ZNF804B: variants seen among roughly 807,000 people sequenced by gnomAD.
The protein encoded by ZNF804B is zinc finger protein 804B.
In ZNF804B, 80 loss-of-function variants were observed where a neutral mutation model predicts 101.4. The ratio of observed to expected loss-of-function variants is 0.79; its 90% CI spans 0.66 to 0.95. The LOEUF is 0.95. Ranked by LOEUF, ZNF804B falls within the 40% of genes least tolerant of loss-of-function variation. The pLI is 0.00. For synonymous variants in ZNF804B, 622 were observed against 558.8 expected, an observed-to-expected ratio of 1.11 and a Z score of -1.59; for missense variants, 1,673 against 1,561.9, an observed-to-expected ratio of 1.07 and a Z score of -1.20.
At chr7:88,878,328 G>A (rs1466116542) in intron 1 of ZNF804B, among the ~76,000 whole-genome samples, 1 of 151,986 alleles carries the variant, frequency 6.6e-6, no homozygotes, top group African/African-American at 2.4e-5. Flanking sequence ...TTTCCCTTTA[G>A]AATTTATTAT....
At chr7:89,234,241 T>TTA (rs1789244499) in intron 2 of ZNF804B, among the ~76,000 whole-genome samples, 1 of 152,146 alleles carries the variant, frequency 6.6e-6, no homozygotes, top group South Asian at 2.1e-4. Context: ...TTCTTTTGAA[T>TTA]TATACTTCTG....
chr7:89,180,286 T>C (rs889989103), intron 1 of ZNF804B, among the ~76,000 whole-genome samples: 1 of 152,184 alleles, frequency 6.6e-6, no homozygotes, highest in Non-Finnish European at 1.5e-5. Context: ...TGCTGTCTGA[T>C]AGCTAGGGCC....
chr7:88,881,196 TAGAA>T (rs1237709751), intron 1 of ZNF804B, among the ~76,000 whole-genome samples: 1 of 152,136 alleles, frequency 6.6e-6, no homozygotes, highest in Admixed American at 6.6e-5. Flanking sequence ...GGATTGCATT[TAGAA>T]AGAATATTTA....
intron 1 of ZNF804B, among the ~76,000 whole-genome samples, chr7:88,963,880 T>C (rs1450534493): frequency 6.6e-6 from 1 of 151,406 alleles, no homozygotes; most frequent in African/African-American, 2.4e-5. Flanking sequence ...GAATACACTT[T>C]TCTCTAAAAA....
chr7:89,220,300 CTGTT>C (rs1365467605), intron 2 of ZNF804B, among the ~76,000 whole-genome samples: 2 of 151,172 alleles, frequency 1.3e-5, no homozygotes, highest in African/African-American at 4.9e-5. Flanking sequence ...ATGAGATAAA[CTGTT>C]TTAGGATTGT....
chr7:88,929,507 T>A (rs1186847870), intron 1 of ZNF804B, among the ~76,000 whole-genome samples: 1 of 151,968 alleles, frequency 6.6e-6, no homozygotes, highest in African/African-American at 2.4e-5. Context: ...CATGGATTAT[T>A]AAACCTTTTA....
chr7:89,278,027 G>T (rs368878435), intron 2 of ZNF804B, among the ~76,000 whole-genome samples: 19 of 152,128 alleles, frequency 1.2e-4, no homozygotes, highest in South Asian at 8.3e-4. Context: ...TCCTGACTTT[G>T]TAATGATTGC....
chr7:88,843,949 T>G (rs1338257123), intron 1 of ZNF804B, among the ~76,000 whole-genome samples: 1 of 152,020 alleles, frequency 6.6e-6, no homozygotes, highest in Non-Finnish European at 1.5e-5. Flanking sequence ...TTATAAAGAT[T>G]AAAAAATTGT....
At chr7:88,886,214 A>G (rs926256331) in intron 1 of ZNF804B, among the ~76,000 whole-genome samples, 1 of 152,114 alleles carries the variant, frequency 6.6e-6, no homozygotes, top group African/African-American at 2.4e-5. Context: ...TGGTGATGGT[A>G]GATGGATTAG....
At chr7:88,780,309 G>A (rs1226406562) in intron 1 of ZNF804B, among the ~76,000 whole-genome samples, 1 of 151,128 alleles carries the variant, frequency 6.6e-6, no homozygotes, top group African/African-American at 2.4e-5. Flanking sequence ...CATATCTTCA[G>A]CAGTTAATTT....
At chr7:88,987,464 C>A (rs1044391731) in intron 1 of ZNF804B, among the ~76,000 whole-genome samples, 1 of 152,042 alleles carries the variant, frequency 6.6e-6, no homozygotes, top group Non-Finnish European at 1.5e-5. Context: ...TCTCTCTTTT[C>A]ATATTTACAT....
chr7:88,851,394 C>A (rs1441465560), intron 1 of ZNF804B, among the ~76,000 whole-genome samples: 1 of 152,006 alleles, frequency 6.6e-6, no homozygotes, highest in Admixed American at 6.6e-5. Flanking sequence ...AAAAAAGACA[C>A]ATTTTGGGAG....
chr7:89,242,965 G>A (rs1172771284), intron 2 of ZNF804B, among the ~76,000 whole-genome samples: 1 of 151,738 alleles, frequency 6.6e-6, no homozygotes, highest in African/African-American at 2.4e-5. Context: ...GGAAGAGTTG[G>A]CTATCACAAT....
At chr7:88,982,092 T>C (rs1793701087) in intron 1 of ZNF804B, among the ~76,000 whole-genome samples, 1 of 152,018 alleles carries the variant, frequency 6.6e-6, no homozygotes, top group Non-Finnish European at 1.5e-5. Flanking sequence ...TGATTCTTTC[T>C]CTCATGTCTG....
At chr7:89,281,394 G>T (rs1198989596) in intron 2 of ZNF804B, among the ~76,000 whole-genome samples, 1 of 152,082 alleles carries the variant, frequency 6.6e-6, no homozygotes, top group Non-Finnish European at 1.5e-5. Flanking sequence ...GTGCTACATT[G>T]CAGTAGAACC....
chr7:89,162,786 C>T (rs978123638), intron 1 of ZNF804B, among the ~76,000 whole-genome samples: 2 of 143,282 alleles, frequency 1.4e-5, no homozygotes, highest in Non-Finnish European at 1.5e-5. Context: ...GTATATCTCC[C>T]AATGCCATCC....
At chr7:89,333,299 T>A (rs2115996439) in intron 3 of ZNF804B, 64 bp from the exon 4 acceptor site, 1 of 1,377,124 alleles carries the variant, frequency 7.3e-7, no homozygotes, top group African/African-American at 1.5e-5. Flanking sequence ...CTATGAAATG[T>A]TCATATGTAG....
chr7:88,877,123 G>A (rs1305944568), intron 1 of ZNF804B, among the ~76,000 whole-genome samples: 1 of 123,168 alleles, frequency 8.1e-6, no homozygotes, highest in Non-Finnish European at 1.6e-5. Flanking sequence ...GCAGTGGCAC[G>A]ATCTCAGCTC....
intron 1 of ZNF804B, among the ~76,000 whole-genome samples, chr7:88,966,323 A>G (rs141798071): frequency 6.6e-6 from 1 of 151,736 alleles, no homozygotes; most frequent in East Asian, 2.0e-4. Flanking sequence ...AGCAGATGTA[A>G]TAATGGACAA....
Sources: gnomAD v4.1 joint callset for allele counts (sites outside exome capture counted in the v4.1 genomes callset) on GRCh38, gnomAD v4.1.1 for gene constraint, MANE v1.5 for transcripts, NCBI Gene and HGNC (gene_info 2026-07-23, HGNC 2026-07-21) for gene names.